Variants in SHOC1 observed in about 807,000 individuals in gnomAD.
The protein encoded by SHOC1 is protein shortage in chiasmata 1 ortholog.
SHOC1 carries 136 observed loss-of-function variants against 179.2 expected under a neutral mutation model. That is an observed-to-expected ratio of 0.76 (90% confidence interval 0.66 to 0.87). The LOEUF is 0.87. Ranked by LOEUF, SHOC1 falls within the 40% of genes least tolerant of loss-of-function variation. The pLI, the probability that SHOC1 is intolerant of heterozygous loss-of-function variation, is 0.00. For missense variants in SHOC1, 1,538 were observed against 1,700.8 expected, an observed-to-expected ratio of 0.90 and a Z score of 1.68; for synonymous variants, 489 against 586.6, an observed-to-expected ratio of 0.83 and a Z score of 2.41.
chr9:111,705,137 T>C (rs1182884999), intron 21 of SHOC1, 110 bp downstream of exon 21: 1 of 453,360 alleles, frequency 2.2e-6, no homozygotes, highest in Non-Finnish European at 3.9e-6. Flanking sequence ...GAGACACATA[T>C]ACAGCATAAT....
At chr9:111,771,977 T>C (rs1402711505) in intron 5 of SHOC1, among the ~76,000 whole-genome samples, 1 of 152,184 alleles carries the variant, frequency 6.6e-6, no homozygotes, top group Non-Finnish European at 1.5e-5. Flanking sequence ...GAAAATTTTG[T>C]ATTTTTTCTT....
intron 1 of SHOC1, among the ~76,000 whole-genome samples, chr9:111,794,189 A>T (rs1836544065): frequency 6.6e-6 from 1 of 151,246 alleles, no homozygotes; most frequent in Admixed American, 6.6e-5. Context: ...GGTGAGTGTG[A>T]ATCTTCGGGC....
At chr9:111,722,723 T>G in intron 14 of SHOC1, 138 bp from the exon 15 acceptor site, 1 of 575,974 alleles carries the variant, frequency 1.7e-6, no homozygotes, top group South Asian at 2.8e-5. Flanking sequence ...TGAGATTGTA[T>G]AAAAACTTAT....
chr9:111,753,629 T>C (rs1589444066), intron 8 of SHOC1, among the ~76,000 whole-genome samples: 1 of 152,256 alleles, frequency 6.6e-6, no homozygotes, highest in African/African-American at 2.4e-5. Context: ...GAGATTTTTT[T>C]CCCCTGAGAT....
intron 14 of SHOC1, among the ~76,000 whole-genome samples, chr9:111,723,512 C>T (rs112777603): frequency 3.9e-5 from 6 of 152,146 alleles, no homozygotes; most frequent in South Asian, 2.1e-4. Flanking sequence ...CAGAAGAGTC[C>T]GAGGAGGTAC....
intron 19 of SHOC1, among the ~76,000 whole-genome samples, 198 bp from the exon 20 acceptor site, chr9:111,706,944 C>T (rs568922170): frequency 6.6e-6 from 1 of 152,152 alleles, no homozygotes; most frequent in East Asian, 1.9e-4. Context: ...AATGATCATA[C>T]ATTTTTATAC....
chr9:111,768,321 G>A (rs887308019), intron 5 of SHOC1, among the ~76,000 whole-genome samples: 1 of 151,870 alleles, frequency 6.6e-6, no homozygotes, highest in Non-Finnish European at 1.5e-5. Flanking sequence ...CGCCTCCAGG[G>A]TTCAAGTGAT....
intron 20 of SHOC1, among the ~76,000 whole-genome samples, chr9:111,705,641 A>G (rs1832239464): frequency 6.6e-6 from 1 of 151,998 alleles, no homozygotes; most frequent in African/African-American, 2.4e-5. Context: ...TTTCTTGCTT[A>G]TACTCACACA....
chr9:111,722,459 C>G lies in SHOC1; in HGVS notation c.2081G>C (p.Arg694Thr). 6.2e-7 allele frequency: 1 copy of G among 1,611,650 alleles called. No individual in the cohort carries two copies. The highest frequency in any genetic ancestry group is 8.5e-7 in the Non-Finnish European group (1 of 1,179,518). ...TTTTTCTTGTTCCTTTAAGAGAAAC[C>G]TTGTTTGGTCAAAAATAACAGTGGC... ...KFATVIFDQTRFLLKEQEKVV... is the reference protein window; with the variant it reads ...KFATVIFDQTTFLLKEQEKVV... Residue 694 changes from arginine (R) to threonine (T), a missense_variant, in exon 15 of 28, where the codon AGG becomes ACG. Arg to Thr is a moderately conservative substitution (Grantham distance 71, BLOSUM62 -1). Coordinates refer to ENST00000682961, the MANE Select transcript of SHOC1 (RefSeq NM_001378211.1).
chr9:111,692,298 AAATGGTGG>A lies in SHOC1; in HGVS notation c.3671_3678del (p.Thr1224IlefsTer3), dbSNP rs759208219. 6.2e-7 allele frequency: 1 copy of A among 1,613,452 alleles called. No individual in the cohort carries two copies. The highest frequency in any genetic ancestry group is 8.5e-7 in the Non-Finnish European group (1 of 1,179,514). On this transcript the variant is annotated frameshift_variant, in exon 27 of 28. Transcript: ENST00000682961. LOFTEE classifies it high-confidence loss of function. The stretch of plus-strand genomic sequence containing the variant: ...TCCATAATGGAAGAGTTGTCATTCA[AAATGGTGG>A]TTTTGTCTTCCTGCACTGTCTCTCC...
In SHOC1 at chr9:111,722,486, A is replaced by T; in HGVS notation, c.2054T>A (p.Phe685Tyr). Residue 685 changes from phenylalanine (F) to tyrosine (Y), a missense_variant, in exon 15 of 28, where the codon TTT (phenylalanine) becomes TAT (tyrosine). Transcript: ENST00000682961. Reference protein sequence around the residue: ...LCTLPTANWKFATVIFDQTRF... With the variant: ...LCTLPTANWKYATVIFDQTRF... ...TGTTTGGTCAAAAATAACAGTGGCA[A>T]ATTTCCAATTAGCAGTAGGGAGGGT... 1.2e-6 allele frequency: 2 copies of T among 1,613,016 alleles called. No individual in the cohort carries two copies. Among genetic ancestry groups the T allele is most frequent in the East Asian group, 2.2e-5 (1 of 44,798 alleles).
chr9:111,782,419 T>C (rs949915750), intron 3 of SHOC1, among the ~76,000 whole-genome samples: 4 of 152,168 alleles, frequency 2.6e-5, no homozygotes, highest in Non-Finnish European at 5.9e-5. Context: ...TAATGTGGCA[T>C]GCAAACTGCT....
chr9:111,712,313 A>C (rs1461611972), intron 18 of SHOC1, among the ~76,000 whole-genome samples: 2 of 152,216 alleles, frequency 1.3e-5, no homozygotes, highest in Admixed American at 6.5e-5. Context: ...TCCATGGATG[A>C]TGGGAAATAA....
intron 2 of SHOC1, among the ~76,000 whole-genome samples, chr9:111,788,105 C>A (rs1250614038): frequency 8.0e-6 from 1 of 125,280 alleles, no homozygotes; most frequent in Non-Finnish European, 1.6e-5. Context: ...TCGCTCTTGT[C>A]GCCCAGGCTG....
At chr9:111,761,101 G>A (rs1756751405) in intron 5 of SHOC1, among the ~76,000 whole-genome samples, 2 of 152,064 alleles carry the variant, frequency 1.3e-5, no homozygotes, top group African/African-American at 2.4e-5. Flanking sequence ...TCTAATCAGT[G>A]GGAAAGAAAG....
In SHOC1 at chr9:111,701,938, C is replaced by T. The variant is rs550203846; in HGVS notation, c.3089+167G>A. On this transcript the variant is annotated intron_variant, in intron 23 of 27. Transcript: ENST00000682961. ...AATGTCCAGGGAAACGTATCATCTC[C>T]AAAATTCAAATTTGTTTTCCTGTGA... 6.2e-4 allele frequency among the ~76,000 whole-genome samples: 94 copies of T among 152,084 alleles called. 1 individual carries two copies. Among genetic ancestry groups the T allele is most frequent in the African/African-American group, 2.2e-3 (92 of 41,502 alleles).
Position 111,728,041 on chromosome 9 carries a change from C to A in SHOC1, c.1426G>T (p.Glu476Ter). ...ATAGGTGAAGAATGACTTTTATGTT[C>A]TAGACATGCTGAAAACAGAAAATAA... ...TKVLQLESCL[E>*]HKSHSSPIAL... is the part of the protein sequence containing the mutation. The change falls in exon 13 of 28, where the codon GAA becomes TAA. Residue 476 changes from glutamate to a stop codon, truncating the protein, a stop_gained. Coordinates refer to ENST00000682961, the MANE Select transcript of SHOC1 (RefSeq NM_001378211.1). LOFTEE classifies it high-confidence loss of function. 1 of 1,571,280 alleles carries A rather than the reference C, an allele frequency of 6.4e-7. No individual in the cohort carries two copies. The highest frequency in any genetic ancestry group is 1.2e-5 in the South Asian group (1 of 82,984).
At chr9:111,697,073 G>A (rs1831731634) in intron 24 of SHOC1, among the ~76,000 whole-genome samples, 1 of 152,110 alleles carries the variant, frequency 6.6e-6, no homozygotes, top group Admixed American at 6.5e-5. Flanking sequence ...CATCAGGGTG[G>A]AGGATATATG....
In SHOC1 at chr9:111,686,725, T is replaced by A. The variant is rs772375420; in HGVS notation, c.*45A>T. 8.0e-7 allele frequency: 1 copy of A among 1,253,328 alleles called. No individual in the cohort carries two copies. The highest frequency in any genetic ancestry group is 2.3e-5 in the East Asian group (1 of 42,982). The allele number at this position is 1,253,328 out of a possible 1,614,324, so 77.6% of individuals were successfully genotyped here. A position where few individuals can be genotyped will look rare whatever the true frequency, so the allele number is the denominator to read the frequency against. ...AAATAATTGCGCTAGTGGATTAGCA[T>A]CAAAAACAGTGGAATATGGCATGTA... is the stretch of plus-strand genomic sequence containing the variant. On this transcript the variant is annotated 3_prime_UTR_variant, in exon 28 of 28. Coordinates refer to ENST00000682961, the MANE Select transcript of SHOC1 (RefSeq NM_001378211.1).
Sources: gnomAD v4.1 joint callset for allele counts (sites outside exome capture counted in the v4.1 genomes callset) on GRCh38, gnomAD v4.1.1 for gene constraint, MANE v1.5 for transcripts, NCBI Gene and HGNC (gene_info 2026-07-23, HGNC 2026-07-21) for gene names.